RANBP2: variants seen among roughly 807,000 people sequenced by gnomAD.
RANBP2 encodes the protein E3 SUMO-protein ligase RanBP2.
Under a neutral mutation model 303.6 loss-of-function variants are expected in RANBP2, and 57 were observed. The observed-to-expected ratio is 0.19, with a 90% CI of 0.15 to 0.23. The LOEUF (loss-of-function observed/expected upper bound fraction) is 0.23. Ranked by LOEUF, RANBP2 falls within the 10% of genes least tolerant of loss-of-function variation. The pLI, the probability that RANBP2 is intolerant of heterozygous loss-of-function variation, is 1.00. For missense variants in RANBP2, 3,138 were observed against 3,780.8 expected (o/e 0.83, Z 4.46); for synonymous variants, 1,167 against 1,301.5 (o/e 0.90, Z 2.23).
At chr2:109,719,926 T>C in the RANBP2 span, among the ~76,000 whole-genome samples, 10 of 152,170 alleles carry the variant, frequency 6.6e-5, no homozygotes, top group Non-Finnish European at 1.0e-4. Flanking sequence ...TTTATGTAGA[T>C]TGAAATTTGA....
chr2:109,574,391 A>G, the RANBP2 span, among the ~76,000 whole-genome samples: 2 of 149,318 alleles, frequency 1.3e-5, no homozygotes, highest in Admixed American at 1.4e-4. Context: ...GGCTGCAGTA[A>G]GCCACGATCT....
the RANBP2 span, chr2:108,794,415 GTC>G: frequency 1.1e-6 from 1 of 872,812 alleles, no homozygotes; most frequent in African/African-American, 1.7e-5. Context: ...ATTTTTCTTT[GTC>G]TCTCTTGAAA....
the RANBP2 span, among the ~76,000 whole-genome samples, chr2:109,418,814 C>T: frequency 2.0e-5 from 3 of 152,102 alleles, no homozygotes; most frequent in Non-Finnish European, 4.4e-5. Flanking sequence ...CAGGGCAGGG[C>T]GAGCAAGCTG....
the RANBP2 span, among the ~76,000 whole-genome samples, chr2:108,925,084 T>C: frequency 2.0e-5 from 3 of 152,218 alleles, no homozygotes; most frequent in African/African-American, 7.2e-5. Context: ...CCTAGGGGGA[T>C]TGGTCCCGCT....
At chr2:109,083,915 C>T in the RANBP2 span, among the ~76,000 whole-genome samples, 7 of 152,274 alleles carry the variant, frequency 4.6e-5, no homozygotes, top group East Asian at 1.9e-4. Context: ...AAACCCCACC[C>T]GGTCCAGTAG....
the RANBP2 span, among the ~76,000 whole-genome samples, chr2:109,081,787 C>G: frequency 7.3e-4 from 111 of 152,346 alleles, no homozygotes; most frequent in African/African-American, 2.6e-3. Flanking sequence ...CTTTTTGCAA[C>G]CACAGTGCCT....
chr2:109,585,052 A>G, the RANBP2 span: 1 of 781,514 alleles, frequency 1.3e-6, no homozygotes, highest in Non-Finnish European at 1.9e-6. Flanking sequence ...AAATCAAATC[A>G]TAGTTCATGG....
At chr2:109,171,345 T>G in the RANBP2 span, among the ~76,000 whole-genome samples, 1 of 152,360 alleles carries the variant, frequency 6.6e-6, no homozygotes, top group East Asian at 1.9e-4. Context: ...TTCAAAGTTT[T>G]TGTCATCTCT....
chr2:109,335,135 C>T, the RANBP2 span, among the ~76,000 whole-genome samples: 1 of 152,234 alleles, frequency 6.6e-6, no homozygotes, highest in Non-Finnish European at 1.5e-5. Flanking sequence ...GGAGCAGATT[C>T]GTCAGGACGT....
the RANBP2 span, among the ~76,000 whole-genome samples, chr2:109,682,132 T>C: frequency 1.3e-5 from 2 of 152,074 alleles, no homozygotes; most frequent in Non-Finnish European, 2.9e-5. Flanking sequence ...CTGTAAATGG[T>C]GAGATAATGT....
the RANBP2 span, among the ~76,000 whole-genome samples, chr2:109,208,402 C>G: frequency 6.6e-6 from 1 of 152,234 alleles, no homozygotes; most frequent in Non-Finnish European, 1.5e-5. Context: ...GCTTATGCTT[C>G]CTGTATCTTG....
the RANBP2 span, among the ~76,000 whole-genome samples, chr2:109,372,428 T>C: frequency 6.6e-6 from 1 of 152,224 alleles, no homozygotes; most frequent in Non-Finnish European, 1.5e-5. Flanking sequence ...GACCACATGC[T>C]TTCATGCTGT....
the RANBP2 span, among the ~76,000 whole-genome samples, chr2:109,210,596 T>C: frequency 2.6e-5 from 4 of 152,118 alleles, no homozygotes; most frequent in Admixed American, 6.5e-5. Context: ...CAGGTGTGGA[T>C]TGTGTCCAGC....
the RANBP2 span, among the ~76,000 whole-genome samples, chr2:109,280,356 G>T: frequency 2.6e-5 from 4 of 152,182 alleles, no homozygotes; most frequent in Admixed American, 2.0e-4. Flanking sequence ...GTGGCAGTGG[G>T]CTCTGAGGGG....
the RANBP2 span, among the ~76,000 whole-genome samples, chr2:109,161,905 T>A: frequency 6.6e-6 from 1 of 151,636 alleles, no homozygotes; most frequent in African/African-American, 2.4e-5. Flanking sequence ...AACTATAGCC[T>A]ATCACCTATC....
Position 108,751,501 on chromosome 2 carries a change from A to G in RANBP2, c.1456-27A>G, listed in dbSNP as rs370042409. The G allele has an allele frequency of 1.3e-4, 203 of 1,611,712 alleles. 1 individual carries two copies. In the East Asian group the frequency reaches 2.1e-3, roughly 16 times the overall value. Reference sequence around the variant, plus strand: ...CTGAATTTTGTTTAATTTTTTTTCTAACTTAACTTTTCCTTAAATAAAACA... The same window carrying G: ...CTGAATTTTGTTTAATTTTTTTTCTGACTTAACTTTTCCTTAAATAAAACA... On this transcript the variant is annotated intron_variant, in intron 10 of 28. Transcript: ENST00000283195.
At chr2:109,275,715 G>T in the RANBP2 span, among the ~76,000 whole-genome samples, 1 of 152,256 alleles carries the variant, frequency 6.6e-6, no homozygotes, top group African/African-American at 2.4e-5. Context: ...TCCTCATCTC[G>T]CTGTTTGCCG....
At chr2:108,934,880 G>A in the RANBP2 span, among the ~76,000 whole-genome samples, 1 of 152,158 alleles carries the variant, frequency 6.6e-6, no homozygotes, top group African/African-American at 2.4e-5. Context: ...CCAAAGCAGC[G>A]TGGAAATGTC....
At chr2:109,381,628 C>T in the RANBP2 span, among the ~76,000 whole-genome samples, 2 of 151,862 alleles carry the variant, frequency 1.3e-5, no homozygotes, top group East Asian at 1.9e-4. Flanking sequence ...GGCTGTGGCT[C>T]GCAAACTTCA....
Sources: gnomAD v4.1 joint callset for allele counts (sites outside exome capture counted in the v4.1 genomes callset) on GRCh38, gnomAD v4.1.1 for gene constraint, MANE v1.5 for transcripts, NCBI Gene and HGNC (gene_info 2026-07-23, HGNC 2026-07-21) for gene names.